MARCHF8: variants seen among roughly 807,000 people sequenced by gnomAD.
MARCHF8 encodes the protein membrane associated ring-CH-type finger 8.
MARCHF8 carries 40 observed loss-of-function variants against 51.6 expected under a neutral mutation model. That is an observed-to-expected ratio of 0.77 (90% confidence interval 0.60 to 1.01). The LOEUF is 1.01. MARCHF8 is among the 50% of genes least tolerant of loss of function. The pLI, the probability that MARCHF8 is intolerant of heterozygous loss-of-function variation, is 0.00. For missense variants in MARCHF8, 685 were observed against 708.6 expected (o/e 0.97, Z 0.38); for synonymous variants, 263 against 280.3 (o/e 0.94, Z 0.62).
At chr10:45,496,969 A>C (rs2043184816) in intron 2 of MARCHF8, among the ~76,000 whole-genome samples, 1 of 152,190 alleles carries the variant, frequency 6.6e-6, no homozygotes, top group Non-Finnish European at 1.5e-5. Flanking sequence ...CAAACAAGCA[A>C]ACCATATCAT....
At chr10:45,572,612 G>A (rs1455869761) in intron 1 of MARCHF8, among the ~76,000 whole-genome samples, 1 of 152,082 alleles carries the variant, frequency 6.6e-6, no homozygotes, top group East Asian at 1.9e-4. Flanking sequence ...CTGACGTCCA[G>A]GCATTCTTTT....
chr10:45,471,191 C>G (rs973837554), intron 3 of MARCHF8, among the ~76,000 whole-genome samples: 9 of 152,160 alleles, frequency 5.9e-5, no homozygotes, highest in African/African-American at 1.9e-4. Context: ...CCAAGTAGCA[C>G]TAACATGGAA....
chr10:45,504,134 T>G (rs2043334983), intron 2 of MARCHF8, among the ~76,000 whole-genome samples: 1 of 152,182 alleles, frequency 6.6e-6, no homozygotes, highest in Non-Finnish European at 1.5e-5. Flanking sequence ...ATGAAAGCTG[T>G]ATCTCAACTT....
At chr10:45,484,363 C>G (rs1208174118) in intron 3 of MARCHF8, among the ~76,000 whole-genome samples, 1 of 152,138 alleles carries the variant, frequency 6.6e-6, no homozygotes, top group East Asian at 1.9e-4. Flanking sequence ...CGTGGGCCCA[C>G]ATGGTCAAGG....
chr10:45,510,323 C>T (rs1415107427), intron 2 of MARCHF8, among the ~76,000 whole-genome samples: 2 of 152,212 alleles, frequency 1.3e-5, no homozygotes, highest in Non-Finnish European at 2.9e-5. Context: ...GCAGCCCAAG[C>T]AGACTAATAC....
intron 3 of MARCHF8, among the ~76,000 whole-genome samples, chr10:45,484,442 G>A (rs369798133): frequency 1.1e-4 from 17 of 152,274 alleles, no homozygotes; most frequent in African/African-American, 3.4e-4. Context: ...TCCAGTGCCC[G>A]TCTTTGTATA....
At chr10:45,561,900 C>CAAAAAAAAAAAAAAAAAA (rs34329041) in intron 1 of MARCHF8, among the ~76,000 whole-genome samples, 1 of 41,534 alleles carries the variant, frequency 2.4e-5, no homozygotes, top group Non-Finnish European at 4.9e-5. Flanking sequence ...GACTCCGTCT[C>CAAAAAAAAAAAAAAAAAA]AAAAAAAAAA....
chr10:45,532,843 T>C (rs1057107701), intron 2 of MARCHF8, among the ~76,000 whole-genome samples: 4 of 152,182 alleles, frequency 2.6e-5, no homozygotes, highest in African/African-American at 9.7e-5. Context: ...CCAAAGAACT[T>C]AGTCACAGTG....
At chr10:45,474,168 C>T (rs867911587) in intron 3 of MARCHF8, among the ~76,000 whole-genome samples, 1 of 152,148 alleles carries the variant, frequency 6.6e-6, no homozygotes, top group Non-Finnish European at 1.5e-5. Flanking sequence ...TCAATGTGTG[C>T]AATCCTCGTA....
intron 3 of MARCHF8, among the ~76,000 whole-genome samples, chr10:45,467,040 G>A (rs1405717366): frequency 6.6e-6 from 1 of 152,214 alleles, no homozygotes; most frequent in Non-Finnish European, 1.5e-5. Context: ...GACAGTGACA[G>A]CGGACCCAAG....
intron 2 of MARCHF8, among the ~76,000 whole-genome samples, chr10:45,503,346 G>A (rs2043316014): frequency 1.3e-5 from 2 of 151,962 alleles, no homozygotes; most frequent in South Asian, 4.1e-4. Flanking sequence ...GACCATCCTG[G>A]CCAACACGGT....
At chr10:45,484,300 G>C (rs911688522) in intron 3 of MARCHF8, among the ~76,000 whole-genome samples, 9 of 152,214 alleles carry the variant, frequency 5.9e-5, no homozygotes, top group Admixed American at 5.9e-4. Context: ...GAAGTACATA[G>C]GGTGAGGACT....
chr10:45,568,715 CAAA>C (rs71023130), intron 1 of MARCHF8, among the ~76,000 whole-genome samples: 1,504 of 75,552 alleles, frequency 0.02, 30 homozygotes, highest in African/African-American at 0.072. Context: ...GAGACTGTTT[CAAA>C]AAAAAAAAAA....
Position 45,463,965 on chromosome 10 carries a change from G to T in MARCHF8, c.274C>A (p.His92Asn). The T allele has an allele frequency of 6.5e-7, 1 of 1,535,858 alleles. No homozygotes were observed. Among genetic ancestry groups the T allele is most frequent in the Non-Finnish European group, 8.7e-7 (1 of 1,146,838 alleles). The change falls in exon 5 of 8, where the codon CAC becomes AAC. Residue 92 changes from histidine (H) to asparagine (N), a missense_variant. By Grantham distance (68) the His-to-Asn change is moderately conservative (BLOSUM62 1). Transcript: ENST00000453424. Reference protein sequence around the residue: ...SSAVFSECCHHSSVQSAVVSK... With the variant: ...SSAVFSECCHNSSVQSAVVSK... ...ACAACAGCAGACTGCACGGAACTGT[G>T]GTGACAACACTCAGAAAACACTGCA...
intron 1 of MARCHF8, among the ~76,000 whole-genome samples, chr10:45,551,772 A>G (rs1204816562): frequency 6.6e-6 from 1 of 151,770 alleles, no homozygotes; most frequent in Admixed American, 6.6e-5. Context: ...ATATGAACCA[A>G]TTCCTTAAAA....
chr10:45,460,027 C>T (rs1345590307), intron 6 of MARCHF8: 2 of 341,898 alleles, frequency 5.8e-6, no homozygotes, highest in Non-Finnish European at 8.3e-6. Context: ...AAGGACTTCC[C>T]ATGTTGAGAG....
intron 3 of MARCHF8, among the ~76,000 whole-genome samples, chr10:45,480,615 G>A (rs999895230): frequency 1.3e-5 from 2 of 152,234 alleles, no homozygotes; most frequent in East Asian, 3.8e-4. Flanking sequence ...TGGCTTCAGA[G>A]GGTGCAAGCC....
At chr10:45,481,683 A>G (rs961124395) in intron 3 of MARCHF8, among the ~76,000 whole-genome samples, 14 of 152,210 alleles carry the variant, frequency 9.2e-5, no homozygotes, top group Admixed American at 9.2e-4. Context: ...CCCCAGCCAC[A>G]TGGAACTGTG....
chr10:45,470,255 C>CTGGGGA (rs1289637400), intron 3 of MARCHF8, among the ~76,000 whole-genome samples: 1 of 152,194 alleles, frequency 6.6e-6, no homozygotes, highest in African/African-American at 2.4e-5. Flanking sequence ...TCCTGGAGGC[C>CTGGGGA]TGGGGAGGAC....
Sources: allele counts gnomAD v4.1 joint callset (sites outside exome capture counted in the v4.1 genomes callset), GRCh38; gene constraint gnomAD v4.1.1; transcripts MANE v1.5; gene names NCBI Gene and HGNC (gene_info 2026-07-23, HGNC 2026-07-21).